The following RARB variants were observed in gnomAD, a reference collection of about 807,000 sequenced individuals.
RARB encodes retinoic acid receptor beta.
A neutral mutation model predicts 51.9 loss-of-function variants in RARB; 17 were observed. The ratio of observed to expected loss-of-function variants is 0.33; its 90% CI spans 0.22 to 0.49. RARB has a LOEUF of 0.49. RARB is among the 20% of genes least tolerant of loss of function. The probability of loss-of-function intolerance (pLI) is 0.99; values close to 1 mark genes in which losing one functional copy is unlikely to be tolerated. For missense variants in RARB, 369 were observed against 550.8 expected (o/e 0.67, Z 3.30); for synonymous variants, 215 against 195.4 (o/e 1.10, Z -0.84).
At chr3:25,268,539 T>A (rs920899700) in intron 5 of RARB, among the ~76,000 whole-genome samples, 1 of 152,220 alleles carries the variant, frequency 6.6e-6, no homozygotes, top group African/African-American at 2.4e-5. Flanking sequence ...ATTGTTATCA[T>A]GGAGAATTCA....
intron 5 of RARB, among the ~76,000 whole-genome samples, chr3:25,273,841 T>C (rs1703310939): frequency 6.6e-6 from 1 of 152,224 alleles, no homozygotes; most frequent in Non-Finnish European, 1.5e-5. Context: ...CATCAAGGCA[T>C]CCTGCTTTTA....
chr3:24,967,317 G>A (rs920071600), intron 2 of RARB, among the ~76,000 whole-genome samples: 18 of 152,120 alleles, frequency 1.2e-4, no homozygotes. Flanking sequence ...TGACCTTGGA[G>A]TAGAAGCCAG....
intron 2 of RARB, among the ~76,000 whole-genome samples, chr3:24,903,355 T>G (rs1703646335): frequency 6.6e-6 from 1 of 152,122 alleles, no homozygotes; most frequent in Admixed American, 6.6e-5. Context: ...ATGTAAAATA[T>G]CTGTTAGATG....
At chr3:25,009,304 T>A (rs1168728626) in intron 2 of RARB, among the ~76,000 whole-genome samples, 2 of 152,166 alleles carry the variant, frequency 1.3e-5, no homozygotes, top group Non-Finnish European at 2.9e-5. Flanking sequence ...GTGACTTAGT[T>A]AATGAAGCAG....
chr3:25,387,029 G>A (rs1001174707), intron 5 of RARB, among the ~76,000 whole-genome samples: 3 of 152,126 alleles, frequency 2.0e-5, no homozygotes, highest in African/African-American at 7.2e-5. Context: ...TTTCTCCTGT[G>A]AGCAATAATT....
chr3:25,364,121 C>A (rs1559372706), intron 5 of RARB, among the ~76,000 whole-genome samples: 1 of 152,010 alleles, frequency 6.6e-6, no homozygotes. Flanking sequence ...TATAATTTAT[C>A]TATTCTTTTT....
chr3:24,962,676 T>C lies in RARB; in HGVS notation c.-379-97449T>C, dbSNP rs531234069. 9.2e-5 allele frequency among the ~76,000 whole-genome samples: 14 copies of C among 152,326 alleles called. 1 individual carries two copies. In the South Asian group the frequency reaches 2.9e-3, roughly 32 times the overall value. On this transcript the variant is annotated intron_variant, in intron 2 of 11. Coordinates refer to the RARB transcript ENST00000383772. ...TCATGAGCTGCACATGGAAGGCATCTGGGTTGCATGTCCTTATGAGAATCT... is the reference window on the plus strand; with the variant it reads ...TCATGAGCTGCACATGGAAGGCATCCGGGTTGCATGTCCTTATGAGAATCT...
chr3:24,898,444 A>C (rs1038306746), intron 2 of RARB, among the ~76,000 whole-genome samples: 2 of 151,878 alleles, frequency 1.3e-5, no homozygotes, highest in Non-Finnish European at 2.9e-5. Context: ...ACAATTAGAC[A>C]ATAACTTTAA....
At chr3:25,572,918 C>G (rs1700762837) in intron 4 of RARB, among the ~76,000 whole-genome samples, 1 of 152,136 alleles carries the variant, frequency 6.6e-6, no homozygotes. Flanking sequence ...GAGGGCAGGA[C>G]AAACACAACG....
chr3:24,877,186 C>A (rs185694100), intron 2 of RARB, among the ~76,000 whole-genome samples: 1 of 151,884 alleles, frequency 6.6e-6, no homozygotes, highest in Admixed American at 6.6e-5. Flanking sequence ...TAGCTGGGAA[C>A]ATTTCTTAGC....
At chr3:25,387,874 G>GA (rs762671160) in intron 5 of RARB, among the ~76,000 whole-genome samples, 1,553 of 139,420 alleles carry the variant, frequency 0.011, 10 homozygotes, top group African/African-American at 0.026. Context: ...TTAGGGAATA[G>GA]AAAAAAAAAA....
At chr3:24,875,390 A>T (rs1472301926) in intron 2 of RARB, among the ~76,000 whole-genome samples, 2 of 152,052 alleles carry the variant, frequency 1.3e-5, no homozygotes, top group Non-Finnish European at 2.9e-5. Context: ...ATTTTTTAGG[A>T]TTGCCTGGCA....
chr3:25,068,448 C>T (rs1019469367), intron 3 of RARB, among the ~76,000 whole-genome samples: 1 of 151,696 alleles, frequency 6.6e-6, no homozygotes, highest in Non-Finnish European at 1.5e-5. Context: ...TAGAAGGAAA[C>T]TAAGAAAACA....
At chr3:25,534,462 A>G (rs894516421) in intron 3 of RARB, among the ~76,000 whole-genome samples, 1 of 152,134 alleles carries the variant, frequency 6.6e-6, no homozygotes, top group Admixed American at 6.6e-5. Flanking sequence ...GCATAAGTAG[A>G]GAAAGGTCAC....
intron 2 of RARB, among the ~76,000 whole-genome samples, chr3:24,932,776 C>T (rs1030922387): frequency 6.6e-6 from 1 of 152,034 alleles, no homozygotes. Flanking sequence ...AGAAACATTC[C>T]GTGGGATTGT....
chr3:25,218,792 A>C (rs991419500), intron 5 of RARB, among the ~76,000 whole-genome samples: 1 of 152,194 alleles, frequency 6.6e-6, no homozygotes, highest in Non-Finnish European at 1.5e-5. Context: ...TAGGAAATCG[A>C]GGCTCAGAGA....
At chr3:25,468,353 T>C (rs1452502754) in intron 2 of RARB, among the ~76,000 whole-genome samples, 3 of 150,614 alleles carry the variant, frequency 2.0e-5, no homozygotes, top group South Asian at 4.3e-4. Context: ...GGGTGCCTTC[T>C]GTACACTAGG....
intron 2 of RARB, among the ~76,000 whole-genome samples, chr3:24,917,298 T>C (rs1385845018): frequency 6.6e-6 from 1 of 152,050 alleles, no homozygotes; most frequent in Non-Finnish European, 1.5e-5. Flanking sequence ...GCATGATTCA[T>C]AGAGGAAAAA....
chr3:25,336,851 T>A (rs189236092), intron 5 of RARB, among the ~76,000 whole-genome samples: 66 of 152,246 alleles, frequency 4.3e-4, no homozygotes, highest in African/African-American at 1.5e-3. Flanking sequence ...GTAGAACGGC[T>A]CACTTGGGAG....
Sources: gnomAD v4.1 joint callset for allele counts (sites outside exome capture counted in the v4.1 genomes callset) on GRCh38, gnomAD v4.1.1 for gene constraint, MANE v1.5 for transcripts, NCBI Gene and HGNC (gene_info 2026-07-23, HGNC 2026-07-21) for gene names.